SMYD3: variants seen among roughly 807,000 people sequenced by gnomAD.
SMYD3 encodes the protein SET and MYND domain containing 3.
A neutral mutation model predicts 57.7 loss-of-function variants in SMYD3; 36 were observed. The observed-to-expected ratio is 0.62, with a 90% CI of 0.48 to 0.82. The LOEUF is 0.82. SMYD3 is among the 40% of genes least tolerant of loss of function. The pLI is 0.00. For missense variants in SMYD3, 515 were observed against 538.8 expected (o/e 0.96, Z 0.44); for synonymous variants, 211 against 195.0 (o/e 1.08, Z -0.68).
intron 10 of SMYD3, among the ~76,000 whole-genome samples, chr1:245,845,900 C>T (rs999405413): frequency 2.0e-5 from 3 of 152,192 alleles, no homozygotes; most frequent in Admixed American, 2.0e-4. Flanking sequence ...CCTAGGTTTT[C>T]AAGAATGTCT....
At chr1:246,005,322 C>G (rs74393732) in intron 5 of SMYD3, among the ~76,000 whole-genome samples, 3,055 of 152,326 alleles carry the variant, frequency 0.02, 99 homozygotes, top group South Asian at 0.14. Context: ...ATGTTTCTCA[C>G]AGTAGCAAAG....
chr1:246,147,189 AC>A (rs34283578), intron 5 of SMYD3, among the ~76,000 whole-genome samples: 79,564 of 151,936 alleles, frequency 0.52, 25,275 homozygotes, highest in Non-Finnish European at 0.73. Flanking sequence ...GCCCCGGCAA[AC>A]CCTAGGGGAA....
intron 5 of SMYD3, among the ~76,000 whole-genome samples, chr1:246,087,318 T>C (rs1233941762): frequency 1.3e-5 from 2 of 152,218 alleles, no homozygotes; most frequent in East Asian, 1.9e-4. Context: ...TCTTCCCTAC[T>C]AGACATAAGT....
chr1:246,370,935 A>G (rs961196849), intron 1 of SMYD3, among the ~76,000 whole-genome samples: 2 of 152,232 alleles, frequency 1.3e-5, no homozygotes, highest in Admixed American at 1.3e-4. Flanking sequence ...TGTGATCAGA[A>G]TAACTGACTT....
chr1:246,402,764 G>A (rs1300851746), intron 1 of SMYD3, among the ~76,000 whole-genome samples: 2 of 152,174 alleles, frequency 1.3e-5, no homozygotes, highest in Non-Finnish European at 2.9e-5. Context: ...ACATGAGCAA[G>A]TACAATAGCC....
In SMYD3 at chr1:246,306,255, G is replaced by A. The variant is rs557689469; in HGVS notation, c.531+20946C>T. ...CCAGCTACTTGGGAGGCTGAGGCAG[G>A]AGAATCACTCGAGCCCAGGAGGCAG... is the stretch of plus-strand genomic sequence containing the variant. On this transcript the variant is annotated intron_variant, in intron 5 of 11. Transcript: ENST00000490107. Among the ~76,000 whole-genome samples the A allele has an allele frequency of 1.0e-3, 152 of 152,186 alleles. 1 individual carries two copies. Among genetic ancestry groups the A allele is most frequent in the African/African-American group, 3.6e-3 (151 of 41,526 alleles).
intron 10 of SMYD3, among the ~76,000 whole-genome samples, chr1:245,790,873 T>C (rs1490789259): frequency 6.6e-6 from 1 of 152,222 alleles, no homozygotes; most frequent in Non-Finnish European, 1.5e-5. Flanking sequence ...AAATGATTTT[T>C]TTTCTGCTTA....
intron 10 of SMYD3, among the ~76,000 whole-genome samples, chr1:245,814,823 C>T (rs2048697209): frequency 6.6e-6 from 1 of 151,236 alleles, no homozygotes; most frequent in African/African-American, 2.4e-5. Flanking sequence ...CACACACACG[C>T]ACGCACACAC....
chr1:246,420,093 G>C (rs1405740475), intron 1 of SMYD3, among the ~76,000 whole-genome samples: 3 of 152,152 alleles, frequency 2.0e-5, no homozygotes, highest in Non-Finnish European at 4.4e-5. Flanking sequence ...CAGCTACTCG[G>C]GAGGGTGAGG....
chr1:245,923,819 C>T (rs891464458), intron 7 of SMYD3, among the ~76,000 whole-genome samples: 3 of 152,188 alleles, frequency 2.0e-5, no homozygotes, highest in Non-Finnish European at 4.4e-5. Flanking sequence ...TCAACTATAC[C>T]TTGAACTCTT....
intron 5 of SMYD3, among the ~76,000 whole-genome samples, chr1:245,993,385 A>G (rs893570211): frequency 6.6e-6 from 1 of 152,172 alleles, no homozygotes; most frequent in African/African-American, 2.4e-5. Flanking sequence ...TCAGTACACT[A>G]TAAAATCATC....
chr1:246,061,846 A>C (rs935769002), intron 5 of SMYD3, among the ~76,000 whole-genome samples: 1 of 152,252 alleles, frequency 6.6e-6, no homozygotes, highest in African/African-American at 2.4e-5. Context: ...ATAGACCGGC[A>C]CTATTACAAA....
At chr1:245,918,422 A>C (rs1430054453) in intron 7 of SMYD3, among the ~76,000 whole-genome samples, 1 of 152,170 alleles carries the variant, frequency 6.6e-6, no homozygotes, top group Non-Finnish European at 1.5e-5. Flanking sequence ...TGTCCGTAGC[A>C]CCGTCAAACC....
chr1:246,137,797 T>C (rs2061686050), intron 5 of SMYD3, among the ~76,000 whole-genome samples: 1 of 152,184 alleles, frequency 6.6e-6, no homozygotes, highest in Non-Finnish European at 1.5e-5. Flanking sequence ...GCCGATTTCT[T>C]TTTCCATTTT....
At chr1:245,804,289 T>C (rs1428281116) in intron 10 of SMYD3, among the ~76,000 whole-genome samples, 1 of 152,210 alleles carries the variant, frequency 6.6e-6, no homozygotes, top group Non-Finnish European at 1.5e-5. Flanking sequence ...CTGGATGTTC[T>C]CCCAAATTAA....
In SMYD3 at chr1:245,765,388, C is replaced by CAA. The variant is rs534339227; in HGVS notation, c.1077-1241_1077-1240dup. Reference sequence around the variant, plus strand: ...TGGGTGACAGAGTGAGACCCTGTTTCAAAAAAAAAAAAAGTTTTTTCCTTG... The same window carrying CAA: ...TGGGTGACAGAGTGAGACCCTGTTTCAAAAAAAAAAAAAAAGTTTTTTCCTTG... On this transcript the variant is annotated intron_variant, in intron 10 of 11. Coordinates refer to ENST00000490107, the MANE Select transcript of SMYD3 (RefSeq NM_001167740.2). 1.8e-4 allele frequency among the ~76,000 whole-genome samples: 25 copies of CAA among 135,562 alleles called. No homozygotes were observed. In the East Asian group the frequency reaches 4.1e-3, roughly 22 times the overall value. 88.9% of individuals were successfully genotyped at this position (135,562 alleles called of 152,430 possible). A position where few individuals can be genotyped will look rare whatever the true frequency, so the allele number is the denominator to read the frequency against.
intron 5 of SMYD3, among the ~76,000 whole-genome samples, chr1:246,248,965 C>T (rs2063756668): frequency 6.7e-6 from 1 of 149,134 alleles, no homozygotes; most frequent in South Asian, 2.2e-4. Context: ...CGCTCTCTGA[C>T]TTCTTTTACC....
intron 5 of SMYD3, among the ~76,000 whole-genome samples, chr1:246,195,995 C>T (rs2062826043): frequency 6.6e-6 from 1 of 152,054 alleles, no homozygotes; most frequent in African/African-American, 2.4e-5. Flanking sequence ...ATGATACTGT[C>T]TTTAAAGCTA....
intron 5 of SMYD3, among the ~76,000 whole-genome samples, chr1:245,949,143 C>T (rs922984122): frequency 3.3e-5 from 5 of 152,196 alleles, no homozygotes; most frequent in Admixed American, 6.5e-5. Flanking sequence ...GCCTATGCCA[C>T]GCCCATTGCC....
Sources: gnomAD v4.1 joint callset for allele counts (sites outside exome capture counted in the v4.1 genomes callset) on GRCh38, gnomAD v4.1.1 for gene constraint, MANE v1.5 for transcripts, NCBI Gene and HGNC (gene_info 2026-07-23, HGNC 2026-07-21) for gene names.